INTS4: variants seen among roughly 807,000 people sequenced by gnomAD.
INTS4 encodes integrator complex subunit 4.
In INTS4, 70 loss-of-function variants were observed where a neutral mutation model predicts 119.5. That is an observed-to-expected ratio of 0.59 (90% CI 0.48 to 0.71). The LOEUF (loss-of-function observed/expected upper bound fraction) is 0.71, where lower values mean the gene tolerates loss of function less well. Ranked by LOEUF, INTS4 falls within the 30% of genes least tolerant of loss-of-function variation. The probability of loss-of-function intolerance (pLI) is 0.00; values close to 1 mark genes in which losing one functional copy is unlikely to be tolerated. For synonymous variants in INTS4, 316 were observed against 419.6 expected, an observed-to-expected ratio of 0.75 and a Z score of 3.02; for missense variants, 867 against 1,173.2, an observed-to-expected ratio of 0.74 and a Z score of 3.81.
chr11:77,988,354 A>T (rs1324925048), intron 2 of INTS4, among the ~76,000 whole-genome samples: 4 of 152,254 alleles, frequency 2.6e-5, no homozygotes, highest in Admixed American at 2.6e-4. Context: ...AAAAGCATCA[A>T]TTAATTCATT....
At chr11:77,884,672 G>A (rs1383282583) in intron 21 of INTS4, 7 of 213,818 alleles carry the variant, frequency 3.3e-5, no homozygotes, top group East Asian at 2.3e-4. Context: ...TTGAAACTGC[G>A]GAAGGCATGT....
intron 3 of INTS4, among the ~76,000 whole-genome samples, chr11:77,981,190 C>CAAAAAAAAAAAAAAAAACAAA (rs1856199066): frequency 1.1e-5 from 1 of 88,862 alleles, no homozygotes. Context: ...AACAAACAAG[C>CAAAAAAAAAAAAAAAAACAAA]AAAAAAAAAA....
chr11:77,891,413 T>C lies in INTS4; in HGVS notation c.2498A>G (p.Asn833Ser), dbSNP rs1426018643. The change falls in exon 21 of 23, where the codon AAC (asparagine) becomes AGC (serine). Residue 833 changes from asparagine (N) to serine (S), a missense_variant. This residue lies in a region of INTS4 where 262 missense variants were observed against 376.0 expected (regional missense o/e 0.70). Transcript: ENST00000534064. ...CAACCCAGAGGTAAACCGCAAAGGGTTGTCTGACTCGCCCGCTGGCTCGAT... is the reference window on the plus strand; with the variant it reads ...CAACCCAGAGGTAAACCGCAAAGGGCTGTCTGACTCGCCCGCTGGCTCGAT... ...TIIEPAGESD[N>S]PLRFTSGLVV... 4 of 1,613,162 alleles carry C rather than the reference T, an allele frequency of 2.5e-6. No homozygotes were observed. Among genetic ancestry groups the C allele is most frequent in the Non-Finnish European group, 3.4e-6 (4 of 1,179,658 alleles).
intron 15 of INTS4, among the ~76,000 whole-genome samples, chr11:77,917,067 A>G (rs1189930171): frequency 6.6e-6 from 1 of 152,194 alleles, no homozygotes; most frequent in Non-Finnish European, 1.5e-5. Flanking sequence ...AAGCATGAAC[A>G]AAGTACAAAG....
chr11:77,940,735 T>C (rs944901554), intron 9 of INTS4, among the ~76,000 whole-genome samples: 17 of 152,044 alleles, frequency 1.1e-4, no homozygotes, highest in Non-Finnish European at 2.5e-4. Context: ...TCTCCAGGGT[T>C]CAAGTGATTC....
rs150419141 is a variant in INTS4, at chr11:77,941,695, G to A, written c.919-444C>T. ...TGGATTTGTAATTTTTAGTAGAGAC[G>A]GGGTTTCACCACGTTGGGCAGGCTA... On this transcript the variant is annotated intron_variant, in intron 8 of 22. Coordinates refer to ENST00000534064, the MANE Select transcript of INTS4 (RefSeq NM_033547.4). Among the ~76,000 whole-genome samples, 113 of 152,100 alleles carry A rather than the reference G, an allele frequency of 7.4e-4. 1 individual carries two copies. Among genetic ancestry groups the A allele is most frequent in the African/African-American group, 2.6e-3 (106 of 41,480 alleles).
At chr11:77,948,938 G>A (rs1034619631) in intron 8 of INTS4, among the ~76,000 whole-genome samples, 2 of 152,134 alleles carry the variant, frequency 1.3e-5, no homozygotes, top group African/African-American at 2.4e-5. Context: ...TAAGAGATAA[G>A]TGTACAGCAA....
At chr11:77,962,293 G>GA (rs1954495033) in intron 4 of INTS4, among the ~76,000 whole-genome samples, 1 of 152,182 alleles carries the variant, frequency 6.6e-6, no homozygotes, top group Non-Finnish European at 1.5e-5. Flanking sequence ...CAAAAAAGAA[G>GA]ATATTGCCAA....
intron 4 of INTS4, among the ~76,000 whole-genome samples, chr11:77,966,485 G>A (rs1251993810): frequency 2.0e-5 from 3 of 152,130 alleles, no homozygotes; most frequent in Non-Finnish European, 4.4e-5. Flanking sequence ...TATGACGTAA[G>A]GGTCTAATTT....
chr11:77,902,108 C>T (rs944738898), intron 17 of INTS4, among the ~76,000 whole-genome samples: 2 of 152,184 alleles, frequency 1.3e-5, no homozygotes. Context: ...AATGATGCTT[C>T]TCTTTTCCTT....
At chr11:77,903,497 C>A (rs1166429286) in intron 17 of INTS4, 43 bp downstream of exon 17, 4 of 1,609,718 alleles carry the variant, frequency 2.5e-6, no homozygotes, top group Admixed American at 1.7e-5. Flanking sequence ...CAGACAATTA[C>A]TGGACAGAGA....
intron 15 of INTS4, among the ~76,000 whole-genome samples, chr11:77,911,856 A>G (rs991455204): frequency 6.6e-6 from 1 of 152,202 alleles, no homozygotes; most frequent in African/African-American, 2.4e-5. Flanking sequence ...ATCCTATTTC[A>G]CTGAACAGGA....
intron 15 of INTS4, chr11:77,917,887 C>T (rs2136471859): frequency 1.8e-6 from 1 of 559,942 alleles, no homozygotes; most frequent in East Asian, 3.0e-5. Flanking sequence ...GCATTAGTCA[C>T]CCAGAATAAA....
intron 18 of INTS4, among the ~76,000 whole-genome samples, chr11:77,895,519 C>A (rs55808849): frequency 1.3e-5 from 1 of 74,118 alleles, no homozygotes; most frequent in African/African-American, 5.5e-5. Flanking sequence ...CATTCTAATT[C>A]TTTTCCTGAA....
At chr11:77,908,772 A>T (rs1266320845) in intron 15 of INTS4, among the ~76,000 whole-genome samples, 1 of 152,230 alleles carries the variant, frequency 6.6e-6, no homozygotes, top group Admixed American at 6.5e-5. Context: ...ACCTTCTCCC[A>T]ACTATGCTTT....
At chr11:77,930,234 T>A (rs1953613672) in intron 10 of INTS4, among the ~76,000 whole-genome samples, 1 of 152,214 alleles carries the variant, frequency 6.6e-6, no homozygotes, top group Admixed American at 6.5e-5. Flanking sequence ...AAAGTTGTGG[T>A]TAAAACTCAC....
rs760708080 is a variant in INTS4, at chr11:77,924,924, T to C, written c.1372-32A>G. On this transcript the variant is annotated intron_variant, in intron 11 of 22. Coordinates refer to ENST00000534064, the MANE Select transcript of INTS4 (RefSeq NM_033547.4). ...AAAAAAAAGTAATAATAACAGTAGT[T>C]ACTGTTGGTTAGCAGACTCAGCCTC... 34 of 1,555,310 alleles carry C rather than the reference T, an allele frequency of 2.2e-5. No individual in the cohort carries two copies. In the South Asian group the frequency reaches 3.9e-4, roughly 18 times the overall value.
intron 4 of INTS4, among the ~76,000 whole-genome samples, chr11:77,972,746 T>G (rs1404821032): frequency 6.6e-6 from 1 of 152,020 alleles, no homozygotes; most frequent in African/African-American, 2.4e-5. Context: ...CATTTATCTT[T>G]ACATCTATCT....
At chr11:77,994,496 C>T (rs574875557) in intron 1 of INTS4, 94 bp downstream of exon 1, 15 of 948,638 alleles carry the variant, frequency 1.6e-5, no homozygotes, top group African/African-American at 3.2e-5. Context: ...TTAACACGGG[C>T]GTATGGAGCC....
Sources: gnomAD v4.1 joint callset for allele counts (sites outside exome capture counted in the v4.1 genomes callset) on GRCh38, gnomAD v4.1.1 for gene constraint, gnomAD v4.1.1 regional missense constraint, MANE v1.5 for transcripts, NCBI Gene and HGNC (gene_info 2026-07-23, HGNC 2026-07-21) for gene names.